Variants in SH2D3C observed in about 807,000 individuals in gnomAD.
SH2D3C encodes SH2 domain containing 3C, also known as SH2 domain-containing protein 3C.
A neutral mutation model predicts 75.2 loss-of-function variants in SH2D3C; 25 were observed. That is an observed-to-expected ratio of 0.33 (90% confidence interval 0.24 to 0.46). The LOEUF is 0.46. SH2D3C is among the 20% of genes least tolerant of loss of function. The pLI, the probability that SH2D3C is intolerant of heterozygous loss-of-function variation, is 1.00. For synonymous variants in SH2D3C, 450 were observed against 473.7 expected, an observed-to-expected ratio of 0.95 and a Z score of 0.65; for missense variants, 933 against 1,165.3, an observed-to-expected ratio of 0.80 and a Z score of 2.90.
chr9:127,776,020 G>C (rs1177548509), intron 1 of SH2D3C, among the ~76,000 whole-genome samples: 1 of 151,888 alleles, frequency 6.6e-6, no homozygotes, highest in South Asian at 2.1e-4. Flanking sequence ...GTACAGACAG[G>C]GTTTCACCAT....
intron 2 of SH2D3C, chr9:127,767,033 C>G (rs748001611): frequency 6.5e-7 from 1 of 1,536,174 alleles, no homozygotes; most frequent in Non-Finnish European, 8.7e-7. Flanking sequence ...GATTCCCTGC[C>G]GGGAAGGCTC....
At position 127,738,426 on chromosome 9, in the gene SH2D3C, GGACA is replaced by G. The variant is rs1844749815; in HGVS notation, c.*316_*319del. 3 of 236,654 alleles carry G rather than the reference GGACA, an allele frequency of 1.3e-5. No individual in the cohort carries two copies. The highest frequency in any genetic ancestry group is 2.5e-5 in the Non-Finnish European group (3 of 121,936). The allele number at this position is 236,654 out of a possible 1,614,324, so 14.7% of individuals were successfully genotyped here. A position where few individuals can be genotyped will look rare whatever the true frequency, so the allele number is the denominator to read the frequency against. Reference sequence around the variant, plus strand: ...AGATGGAGGCCTTGGTGTTGGTGAGGGACAGACAGAGAGTGAGGAGGCGTGAGCA... The same window carrying G: ...AGATGGAGGCCTTGGTGTTGGTGAGGGACAGAGAGTGAGGAGGCGTGAGCA... On this transcript the variant is annotated 3_prime_UTR_variant, in exon 12 of 12. Transcript: ENST00000314830. The surrounding 1 kb of genome is among the most constrained non-coding windows in gnomAD (Gnocchi z 5.0).
At chr9:127,763,846 T>A (rs1358646877) in intron 2 of SH2D3C, among the ~76,000 whole-genome samples, 1 of 152,190 alleles carries the variant, frequency 6.6e-6, no homozygotes, top group Non-Finnish European at 1.5e-5. Context: ...TCATCGCTAA[T>A]CTTCTCTCCT....
intron 2 of SH2D3C, chr9:127,767,058 G>T: frequency 6.5e-7 from 1 of 1,536,204 alleles, no homozygotes; most frequent in Non-Finnish European, 8.7e-7. Flanking sequence ...CTTTGGCCCT[G>T]CCCCACTCCC....
Position 127,773,873 on chromosome 9 carries a change from A to G in SH2D3C, c.515+117T>C, listed in dbSNP as rs553764396. On this transcript the variant is annotated intron_variant, in intron 2 of 11. Coordinates refer to ENST00000314830, the MANE Select transcript of SH2D3C (RefSeq NM_170600.3). ...GCAGAGGTTGCAGTGAACCGGGATC[A>G]CACCACTGCACTCCAGCCTGAGAGA... The G allele has an allele frequency of 2.1e-4, 132 of 640,630 alleles. 1 individual carries two copies. The Admixed American group carries it at 3.8e-3, about 18-fold the overall frequency. 39.7% of individuals were successfully genotyped at this position (640,630 alleles called of 1,614,324 possible).
At position 127,774,306 on chromosome 9, in the gene SH2D3C, A is replaced by T; in HGVS notation, c.199T>A (p.Tyr67Asn). The T allele has an allele frequency of 6.2e-7, 1 of 1,614,008 alleles. No homozygotes were observed. The highest frequency in any genetic ancestry group is 8.5e-7 in the Non-Finnish European group (1 of 1,180,006). ...CTGTACATGTCACTGGAGCGGGCAT[A>T]GGCTGGGGGACTCTTGGGCACCGTC... ...MVTVPKSPPA[Y>N]ARSSDMYSHM... The change falls in exon 2 of 12, where the codon TAT (tyrosine) becomes AAT (asparagine). Residue 67 changes from tyrosine (Y) to asparagine (N), a missense_variant. Physicochemically the swap from Tyr to Asn is moderately radical, Grantham distance 143. Transcript: ENST00000314830. The surrounding 1 kb of genome is among the most constrained non-coding windows in gnomAD (Gnocchi z 4.3).
In SH2D3C at chr9:127,749,258, A is replaced by G; in HGVS notation, c.1092T>C (p.Asp364=). The G allele has an allele frequency of 6.3e-7, 1 of 1,594,172 alleles. No homozygotes were observed. Among genetic ancestry groups the G allele is most frequent in the Non-Finnish European group, 8.6e-7 (1 of 1,168,522 alleles). The change falls in exon 5 of 12, where the codon GAT becomes GAC. Residue 364 remains aspartate (D), a synonymous_variant. Transcript: ENST00000314830. This position sits in a 1 kb window ranked among gnomAD's most constrained non-coding sequence, Gnocchi z 5.9. ...GGGTGACCTTGTCAGCAGTGAGCCC[A>G]TCGGTCATGGTGACGCTGCGCCGCT... ...HMKRRSVTMT[D]GLTADKVTRS...
intron 2 of SH2D3C, among the ~76,000 whole-genome samples, chr9:127,764,362 A>C (rs1267398577): frequency 6.6e-6 from 1 of 152,104 alleles, no homozygotes; most frequent in African/African-American, 2.4e-5. Context: ...ACTTGCCTGG[A>C]CTATCACCAC....
chr9:127,762,860 C>A (rs1314588032), intron 2 of SH2D3C, among the ~76,000 whole-genome samples: 1 of 152,248 alleles, frequency 6.6e-6, no homozygotes, highest in East Asian at 1.9e-4. Flanking sequence ...TGCAATTTAT[C>A]ATCCAAACCA....
chr9:127,738,696 C>T lies in SH2D3C; in HGVS notation c.*50G>A, dbSNP rs1198080370. On this transcript the variant is annotated 3_prime_UTR_variant, in exon 12 of 12. Transcript: ENST00000314830. This position sits in a 1 kb window ranked among gnomAD's most constrained non-coding sequence, Gnocchi z 5.0. Reference sequence around the variant, plus strand: ...GGTGCTCTGGGGAAAGTTGTGTGCCCCTCTGCCCCTGACGCTGTCCGCAGC... The same window carrying T: ...GGTGCTCTGGGGAAAGTTGTGTGCCTCTCTGCCCCTGACGCTGTCCGCAGC... 1 of 1,500,112 alleles carries T rather than the reference C, an allele frequency of 6.7e-7. No individual in the cohort carries two copies. The highest frequency in any genetic ancestry group is 2.2e-5 in the Admixed American group (1 of 46,442). The allele number at this position is 1,500,112 out of a possible 1,614,324, so 92.9% of individuals were successfully genotyped here. A position where few individuals can be genotyped will look rare whatever the true frequency, so the allele number is the denominator to read the frequency against.
At chr9:127,741,132 G>A (rs1424059495) in intron 9 of SH2D3C, among the ~76,000 whole-genome samples, 2 of 152,186 alleles carry the variant, frequency 1.3e-5, no homozygotes, top group Non-Finnish European at 2.9e-5. Flanking sequence ...GGATGCTAAA[G>A]GCACCTACTT....
chr9:127,757,054 C>A (rs149701002), intron 3 of SH2D3C, among the ~76,000 whole-genome samples: 1 of 151,586 alleles, frequency 6.6e-6, no homozygotes, highest in Non-Finnish European at 1.5e-5. Context: ...CTCAGCTTCC[C>A]GAGTAGCTGG....
At chr9:127,771,232 T>C in intron 2 of SH2D3C, 2 of 1,545,036 alleles carry the variant, frequency 1.3e-6, no homozygotes. Context: ...GCAGTCATGC[T>C]TCCCCCGCTG....
At chr9:127,768,350 G>T (rs1306903698) in intron 2 of SH2D3C, among the ~76,000 whole-genome samples, 5 of 152,118 alleles carry the variant, frequency 3.3e-5, no homozygotes, top group Non-Finnish European at 5.9e-5. Context: ...CACCAGGGCT[G>T]GGGAAGGGGC....
At chr9:127,757,633 GATGATGATGATGATT>G (rs1845423569) in intron 3 of SH2D3C, among the ~76,000 whole-genome samples, 3 of 67,270 alleles carry the variant, frequency 4.5e-5, no homozygotes, top group Admixed American at 1.9e-4. Context: ...TGATGATGAT[GATGATGATGATGATT>G]ATTATTATTA....
intron 3 of SH2D3C, chr9:127,755,299 AGCGGGGAG>A: frequency 2.1e-6 from 1 of 466,928 alleles, no homozygotes; most frequent in Non-Finnish European, 2.7e-6. Flanking sequence ...TCGGGGGAGG[AGCGGGGAG>A]GCGGGGCGGG....
At chr9:127,762,146 T>C in intron 2 of SH2D3C, 1 of 1,157,518 alleles carries the variant, frequency 8.6e-7, no homozygotes, top group Non-Finnish European at 1.1e-6. Flanking sequence ...TAGGGTAGAG[T>C]GACCCAGTCA....
chr9:127,761,258 C>T (rs866103449), intron 3 of SH2D3C, among the ~76,000 whole-genome samples: 6 of 152,240 alleles, frequency 3.9e-5, no homozygotes, highest in East Asian at 1.9e-4. Flanking sequence ...CTGCTTCCAG[C>T]GCCAGCACAC....
chr9:127,755,246 G>C, intron 3 of SH2D3C: 1 of 1,179,606 alleles, frequency 8.5e-7, no homozygotes, highest in South Asian at 4.2e-5. Context: ...GCTAGGCACC[G>C]GCTGCGCGTG....
Sources: gnomAD v4.1 joint callset for allele counts (sites outside exome capture counted in the v4.1 genomes callset) on GRCh38, gnomAD v4.1.1 for gene constraint, Gnocchi (gnomAD v3.1) non-coding constraint, MANE v1.5 for transcripts, NCBI Gene and HGNC (gene_info 2026-07-23, HGNC 2026-07-21) for gene names.